Variants in FAM76A observed in about 807,000 individuals in gnomAD.
The protein encoded by FAM76A is protein FAM76A.
FAM76A carries 32 observed loss-of-function variants against 46.2 expected under a neutral mutation model. The ratio of observed to expected loss-of-function variants is 0.69; its 90% CI spans 0.52 to 0.93. The LOEUF is 0.93. Among genes scored for constraint, FAM76A ranks in the 40% least tolerant of loss-of-function variants. FAM76A has a pLI of 0.00. For missense variants in FAM76A, 274 were observed against 361.5 expected, an observed-to-expected ratio of 0.76 and a Z score of 1.96; for synonymous variants, 137 against 127.0, an observed-to-expected ratio of 1.08 and a Z score of -0.53.
At chr1:27,749,496 T>G (rs189055317) in intron 6 of FAM76A, among the ~76,000 whole-genome samples, 175 of 152,306 alleles carry the variant, frequency 1.1e-3, no homozygotes, top group Admixed American at 2.9e-3. Flanking sequence ...GTCTCCCAAG[T>G]AGTTGGAATT....
At chr1:27,751,836 C>T (rs2088337683) in intron 6 of FAM76A, among the ~76,000 whole-genome samples, 1 of 151,606 alleles carries the variant, frequency 6.6e-6, no homozygotes, top group Non-Finnish European at 1.5e-5. Context: ...CAAGGTCTCA[C>T]TGTGTCACCC....
chr1:27,758,679 G>GTT lies in FAM76A; in HGVS notation c.736-828_736-827dup, dbSNP rs35065746. 1.8e-3 allele frequency among the ~76,000 whole-genome samples: 199 copies of GTT among 111,294 alleles called. 2 individuals are homozygous for GTT. The highest frequency in any genetic ancestry group is 4.2e-3 in the African/African-American group (138 of 32,756). 73.0% of individuals were successfully genotyped at this position (111,294 alleles called of 152,430 possible). On this transcript the variant is annotated intron_variant, in intron 7 of 8. Transcript: ENST00000373954. ...ACCACACCCAGCTATTTTAATTTTC[G>GTT]TTTTTTTTTTTTTTTTTTTTGTAGA...
chr1:27,744,863 A>T (rs1571486285), intron 5 of FAM76A, 52 bp downstream of exon 5: 1 of 1,552,616 alleles, frequency 6.4e-7, no homozygotes, highest in East Asian at 2.3e-5. Flanking sequence ...GGTCAGATGT[A>T]ATGCTCACAT....
intron 7 of FAM76A, 142 bp from the exon 8 acceptor site, chr1:27,759,382 TGG>T (rs2088465929): frequency 1.9e-6 from 1 of 535,548 alleles, no homozygotes; most frequent in Non-Finnish European, 3.3e-6. Context: ...AAAGAGGGTG[TGG>T]AATTCCCTGG....
chr1:27,725,988 A>AGCAGCCT lies in FAM76A; in HGVS notation c.-86_-80dup, dbSNP rs2087849915. On this transcript the variant is annotated 5_prime_UTR_variant, in exon 1 of 9. Transcript: ENST00000373954. ...CTGCGCCCGCCCGCCTGCCGCAGCC[A>AGCAGCCT]GCAGCCTGCAGCCGCCGCCGGGTTG... The AGCAGCCT allele has an allele frequency of 2.0e-6, 2 of 1,003,580 alleles. No homozygotes were observed. The highest frequency in any genetic ancestry group is 9.7e-5 in the South Asian group (2 of 20,532). The allele number at this position is 1,003,580 out of a possible 1,614,324, so 62.2% of individuals were successfully genotyped here. A position where few individuals can be genotyped will look rare whatever the true frequency, so the allele number is the denominator to read the frequency against.
At chr1:27,747,478 A>T (rs1199761528) in intron 5 of FAM76A, among the ~76,000 whole-genome samples, 3 of 152,240 alleles carry the variant, frequency 2.0e-5, no homozygotes, top group Non-Finnish European at 4.4e-5. Context: ...TTGAACACCC[A>T]TCAAAGTGAA....
intron 4 of FAM76A, among the ~76,000 whole-genome samples, chr1:27,743,363 C>T (rs1223175115): frequency 6.6e-6 from 1 of 152,118 alleles, no homozygotes; most frequent in East Asian, 1.9e-4. Context: ...CACATTGCCC[C>T]GAGTAGTTTC....
At chr1:27,758,773 C>T (rs2088458207) in intron 7 of FAM76A, among the ~76,000 whole-genome samples, 1 of 151,434 alleles carries the variant, frequency 6.6e-6, no homozygotes. Flanking sequence ...CCCTTTTGGC[C>T]TCCCAAAGTG....
At chr1:27,741,937 C>T (rs1571482261) in intron 4 of FAM76A, among the ~76,000 whole-genome samples, 1 of 150,528 alleles carries the variant, frequency 6.6e-6, no homozygotes, top group Non-Finnish European at 1.5e-5. Flanking sequence ...AACCCTTTGG[C>T]GGCTATGGGG....
Position 27,760,608 on chromosome 1 carries a change from C to A in FAM76A, c.*27C>A, listed in dbSNP as rs1484078041. 1.3e-6 allele frequency: 2 copies of A among 1,558,648 alleles called. No homozygotes were observed. Among genetic ancestry groups the A allele is most frequent in the Middle Eastern group, 1.7e-4 (1 of 5,868 alleles). On this transcript the variant is annotated 3_prime_UTR_variant, in exon 9 of 9. Transcript: ENST00000373954. ...AGACCTCAAGGAGGCTCCCTAGCAA[C>A]AGCAAATGGAGTTGTCCAGGGTTAG...
At position 27,726,146 on chromosome 1, in the gene FAM76A, G is replaced by A. The variant is rs535352798; in HGVS notation, c.66G>A (p.Gly22=). Residue 22 remains glycine (G), a synonymous_variant, in exon 1 of 9, where the codon GGG becomes GGA. Transcript: ENST00000373954. ...QRFPFEALSQ[G]QQLCKECRIA... is the part of the protein sequence containing the mutation. ...TCCCCTTCGAGGCGCTGTCTCAGGGGCAGCAGCTGTGCAAGGTGCGCGGGC... is the reference window on the plus strand; with the variant it reads ...TCCCCTTCGAGGCGCTGTCTCAGGGACAGCAGCTGTGCAAGGTGCGCGGGC... 7 of 1,307,130 alleles carry A rather than the reference G, an allele frequency of 5.4e-6. No individual in the cohort carries two copies. The African/African-American group carries it at 7.6e-5, about 14-fold the overall frequency. The allele number at this position is 1,307,130 out of a possible 1,614,324, so 81.0% of individuals were successfully genotyped here. A position where few individuals can be genotyped will look rare whatever the true frequency, so the allele number is the denominator to read the frequency against.
At chr1:27,755,856 T>C (rs1340495714) in intron 7 of FAM76A, among the ~76,000 whole-genome samples, 2 of 152,178 alleles carry the variant, frequency 1.3e-5, no homozygotes. Flanking sequence ...ATTACAAATG[T>C]GAGCCATTGC....
At chr1:27,746,715 A>G (rs752718981) in intron 5 of FAM76A, among the ~76,000 whole-genome samples, 6 of 152,264 alleles carry the variant, frequency 3.9e-5, no homozygotes, top group Non-Finnish European at 4.4e-5. Flanking sequence ...TGACAGAGCG[A>G]GACTCTATCT....
At chr1:27,749,202 A>C (rs2088294833) in intron 6 of FAM76A, 48 bp downstream of exon 6, 2 of 1,287,404 alleles carry the variant, frequency 1.6e-6, no homozygotes, top group Non-Finnish European at 2.2e-6. Context: ...ATGCATACAC[A>C]GTTCCTGAAA....
chr1:27,746,689 C>G (rs186137850), intron 5 of FAM76A, among the ~76,000 whole-genome samples: 2 of 151,964 alleles, frequency 1.3e-5, no homozygotes, highest in Non-Finnish European at 2.9e-5. Flanking sequence ...ATTGTGCCAC[C>G]GCACTCCATG....
At chr1:27,732,065 ACCT>A (rs2087966241) in intron 2 of FAM76A, among the ~76,000 whole-genome samples, 1 of 151,564 alleles carries the variant, frequency 6.6e-6, no homozygotes, top group Non-Finnish European at 1.5e-5. Flanking sequence ...CAGGTGATCC[ACCT>A]CCCTCAGCCT....
At chr1:27,732,048 C>T (rs1485158801) in intron 2 of FAM76A, among the ~76,000 whole-genome samples, 2 of 152,176 alleles carry the variant, frequency 1.3e-5, no homozygotes, top group African/African-American at 2.4e-5. Flanking sequence ...TCTCGGACTC[C>T]TGACCTCAGG....
At position 27,729,135 on chromosome 1, in the gene FAM76A, A is replaced by G. The variant is rs977425910; in HGVS notation, c.146+1599A>G. ...GTGGGATCTATTTGTTAATTCATCC[A>G]TTAGACCTAGAAGCCTATTTTTAAT... On this transcript the variant is annotated intron_variant, in intron 2 of 8. Coordinates refer to ENST00000373954, the MANE Select transcript of FAM76A (RefSeq NM_152660.3). 2.6e-5 allele frequency among the ~76,000 whole-genome samples: 4 copies of G among 152,180 alleles called. No individual in the cohort carries two copies. In the South Asian group the frequency reaches 6.2e-4, roughly 24 times the overall value.
rs1461694127 is a variant in FAM76A at position 27,744,720 on chromosome 1, G to T, written c.421G>T (p.Glu141Ter). The T allele has an allele frequency of 6.2e-7, 1 of 1,614,168 alleles. No homozygotes were observed. Among genetic ancestry groups the T allele is most frequent in the South Asian group, 1.1e-5 (1 of 91,086 alleles). Reference sequence around the variant, plus strand: ...CAAACGGGTCCTTCAGAAGACCAAAGAGCAGAGGAAACACCTGAGTAGCTC... The same window carrying T: ...CAAACGGGTCCTTCAGAAGACCAAATAGCAGAGGAAACACCTGAGTAGCTC... Reference protein sequence around the residue: ...SYKRVLQKTKEQRKHLSSSSR... With the variant: ...SYKRVLQKTK The change falls in exon 5 of 9, where the codon GAG becomes TAG. Residue 141 changes from glutamate to a stop codon, truncating the protein, a stop_gained. Transcript: ENST00000373954. LOFTEE classifies it high-confidence loss of function.
Sources: allele counts gnomAD v4.1 joint callset (sites outside exome capture counted in the v4.1 genomes callset), GRCh38; gene constraint gnomAD v4.1.1; transcripts MANE v1.5; gene names NCBI Gene and HGNC (gene_info 2026-07-23, HGNC 2026-07-21).